Variants in SSC5D observed in about 807,000 individuals in gnomAD.
SSC5D encodes soluble scavenger receptor cysteine-rich domain-containing protein SSC5D.
Under a neutral mutation model 104.6 loss-of-function variants are expected in SSC5D, and 106 were observed. The observed-to-expected ratio is 1.01, with a 90% CI of 0.87 to 1.19. The LOEUF (loss-of-function observed/expected upper bound fraction) is 1.19. Ranked by LOEUF, SSC5D falls within the 50% of genes most tolerant of loss-of-function variation. The pLI is 0.00. For synonymous variants in SSC5D, 860 were observed against 883.5 expected, an observed-to-expected ratio of 0.97 and a Z score of 0.47; for missense variants, 1,993 against 2,153.8, an observed-to-expected ratio of 0.93 and a Z score of 1.48.
At position 55,513,189 on chromosome 19, in the gene SSC5D, G is replaced by C; in HGVS notation, c.2947+17G>C. On this transcript the variant is annotated intron_variant, in intron 13 of 13. Coordinates refer to ENST00000389623, the MANE Select transcript of SSC5D (RefSeq NM_001144950.2). ...GAGACACAGGTGAGACACGTGGCTG[G>C]GGTGAGGAGACTGGGACGGTATTTG... 6.8e-7 allele frequency: 1 copy of C among 1,477,566 alleles called. No homozygotes were observed. Among genetic ancestry groups the C allele is most frequent in the East Asian group, 2.5e-5 (1 of 40,258 alleles). The allele number at this position is 1,477,566 out of a possible 1,614,324, so 91.5% of individuals were successfully genotyped here. A position where few individuals can be genotyped will look rare whatever the true frequency, so the allele number is the denominator to read the frequency against.
At chr19:55,497,794 A>C in intron 8 of SSC5D, 86 bp from the exon 9 acceptor site, 1 of 1,293,154 alleles carries the variant, frequency 7.7e-7, no homozygotes, top group Non-Finnish European at 1.0e-6. Flanking sequence ...AGTGGAAAGG[A>C]AGATGGGGGG....
chr19:55,502,329 C>A (rs1452587177), intron 12 of SSC5D, among the ~76,000 whole-genome samples: 1 of 151,978 alleles, frequency 6.6e-6, no homozygotes, highest in African/African-American at 2.4e-5. Context: ...ATGGTAATTT[C>A]TTTTGCTCTC....
chr19:55,498,179 G>A lies in SSC5D; in HGVS notation c.1687G>A (p.Val563Ile), dbSNP rs1345432420. The change falls in exon 9 of 14, where the codon GTT becomes ATT. Residue 563 changes from valine (V) to isoleucine (I), a missense_variant. Val to Ile is a conservative substitution (Grantham distance 29). This residue lies in a region of SSC5D where 1,101 missense variants were observed against 1,085.0 expected (regional missense o/e 1.01). Coordinates refer to ENST00000389623, the MANE Select transcript of SSC5D (RefSeq NM_001144950.2). ...GCACAACTGCGCTCACAATGAGGAT[G>A]TTGGGGTCACCTGCACTGGTAAGGA... ...GKHNCAHNED[V>I]GVTCTGPPGL... The A allele has an allele frequency of 1.3e-6, 2 of 1,551,664 alleles. No individual in the cohort carries two copies. Among genetic ancestry groups the A allele is most frequent in the Non-Finnish European group, 1.7e-6 (2 of 1,147,016 alleles).
chr19:55,517,552 C>T lies in SSC5D; in HGVS notation c.3276C>T (p.Pro1092=). 1 of 1,551,618 alleles carries T rather than the reference C, an allele frequency of 6.4e-7. No homozygotes were observed. Among genetic ancestry groups the T allele is most frequent in the Non-Finnish European group, 8.7e-7 (1 of 1,147,034 alleles). Residue 1092 remains proline (P), a synonymous_variant, in exon 14 of 14, where the codon CCC becomes CCT. Transcript: ENST00000389623. ...CGGAGCCCTCACCCACGCCCTTACC[C>T]ACCTTGCCCAAAGAGCTGACCTCTG... ...LTPEPSPTPL[P]TLPKELTSDP... is the part of the protein sequence containing the mutation.
At position 55,500,888 on chromosome 19, in the gene SSC5D, G is replaced by T; in HGVS notation, c.2617+84G>T. 6.7e-7 allele frequency: 1 copy of T among 1,503,248 alleles called. No homozygotes were observed. The highest frequency in any genetic ancestry group is 1.3e-5 in the South Asian group (1 of 76,840). The allele number at this position is 1,503,248 out of a possible 1,614,324, so 93.1% of individuals were successfully genotyped here. A position where few individuals can be genotyped will look rare whatever the true frequency, so the allele number is the denominator to read the frequency against. The stretch of plus-strand genomic sequence containing the variant: ...GGGTGGGGCCAGGTGACGGCACCAT[G>T]GTCGACTCTAAAGAACTGGGTATGA... On this transcript the variant is annotated intron_variant, in intron 11 of 13. Coordinates refer to ENST00000389623, the MANE Select transcript of SSC5D (RefSeq NM_001144950.2). This position sits in a 1 kb window ranked among gnomAD's most constrained non-coding sequence, Gnocchi z 4.6.
In SSC5D at chr19:55,517,589, C is replaced by G. The variant is rs951030368; in HGVS notation, c.3313C>G (p.Pro1105Ala). The G allele has an allele frequency of 8.4e-6, 13 of 1,551,666 alleles. No individual in the cohort carries two copies. The African/African-American group carries it at 1.6e-4, about 20-fold the overall frequency. Residue 1105 changes from proline to alanine, a missense_variant, in exon 14 of 14, where the codon CCG becomes GCG. Physicochemically the swap from Pro to Ala is conservative, Grantham distance 27 (BLOSUM62 -1). This residue lies in a region of SSC5D where 423 missense variants were observed against 409.2 expected (regional missense o/e 1.03). Coordinates refer to ENST00000389623, the MANE Select transcript of SSC5D (RefSeq NM_001144950.2). Reference sequence around the variant, plus strand: ...AGAGCTGACCTCTGACCCTTCTACACCGTCGGAGGTGACCAGCCTTTCCCC... The same window carrying G: ...AGAGCTGACCTCTGACCCTTCTACAGCGTCGGAGGTGACCAGCCTTTCCCC... ...PKELTSDPST[P>A]SEVTSLSPTS...
In SSC5D at chr19:55,490,923, T is replaced by C. The variant is rs539461919; in HGVS notation, c.738T>C (p.Ala246=). 1.3e-5 allele frequency: 20 copies of C among 1,544,288 alleles called. No homozygotes were observed. In the African/African-American group the frequency reaches 2.7e-4, roughly 21 times the overall value. ...CRELGCGGAL[A]APGGARFGPG... Reference sequence around the variant, plus strand: ...AACTGGGCTGTGGGGGGGCGCTGGCTGCCCCCGGCGGTGCCAGATTCGGGC... The same window carrying C: ...AACTGGGCTGTGGGGGGGCGCTGGCCGCCCCCGGCGGTGCCAGATTCGGGC... The change falls in exon 6 of 14, where the codon GCT becomes GCC. Residue 246 remains alanine, a synonymous_variant. Transcript: ENST00000389623.
At chr19:55,506,072 T>C (rs1238282710) in intron 12 of SSC5D, among the ~76,000 whole-genome samples, 5 of 151,788 alleles carry the variant, frequency 3.3e-5, no homozygotes, top group African/African-American at 7.3e-5. Flanking sequence ...TTGGGGCCAC[T>C]TGGCTAATCA....
At chr19:55,493,958 T>C (rs891421686) in intron 7 of SSC5D, 46 bp downstream of exon 7, 40 of 411,084 alleles carry the variant, frequency 9.7e-5, no homozygotes, top group Non-Finnish European at 1.0e-4. Flanking sequence ...GTGGTGGTGC[T>C]TGGAGCGGAG....
intron 8 of SSC5D, among the ~76,000 whole-genome samples, chr19:55,497,144 T>C (rs935029697): frequency 3.3e-5 from 5 of 152,218 alleles, no homozygotes; most frequent in Admixed American, 1.3e-4. Flanking sequence ...CTTCTCCTCG[T>C]TGTGTGTCTG....
intron 6 of SSC5D, 51 bp from the exon 7 acceptor site, chr19:55,493,544 C>T: frequency 2.2e-6 from 3 of 1,384,996 alleles, no homozygotes; most frequent in Non-Finnish European, 2.8e-6. Context: ...GCTTAGTCCC[C>T]GCTCATCCAC....
At chr19:55,504,410 G>T in intron 12 of SSC5D, 1 of 1,174,370 alleles carries the variant, frequency 8.5e-7, no homozygotes, top group Non-Finnish European at 1.1e-6. Context: ...TGGGAGACGA[G>T]GCAGGCATGC....
At chr19:55,489,775 C>A in intron 3 of SSC5D, 107 bp from the exon 4 acceptor site, 1 of 1,473,700 alleles carries the variant, frequency 6.8e-7, no homozygotes, top group Non-Finnish European at 9.3e-7. Context: ...GACACCCAAC[C>A]TCCCATCCCC....
chr19:55,489,335 C>T lies in SSC5D; in HGVS notation c.53-19C>T. Reference sequence around the variant, plus strand: ...CCAGGATGCCCCTCCCCAGTCACAGCCATTCCTCCAACCCTCAGAGCGCCT... The same window carrying T: ...CCAGGATGCCCCTCCCCAGTCACAGTCATTCCTCCAACCCTCAGAGCGCCT... On this transcript the variant is annotated intron_variant, in intron 2 of 13. Transcript: ENST00000389623. The T allele has an allele frequency of 7.0e-7, 1 of 1,430,726 alleles. No individual in the cohort carries two copies. Among genetic ancestry groups the T allele is most frequent in the Admixed American group, 3.1e-5 (1 of 31,902 alleles). 88.6% of individuals were successfully genotyped at this position (1,430,726 alleles called of 1,614,324 possible).
chr19:55,493,401 G>A (rs1257026043), intron 6 of SSC5D, among the ~76,000 whole-genome samples, 194 bp from the exon 7 acceptor site: 1 of 152,248 alleles, frequency 6.6e-6, no homozygotes, highest in African/African-American at 2.4e-5. Flanking sequence ...CAAGGCAAGG[G>A]ATATGGGGGA....
rs1245191293 is a variant in SSC5D at position 55,499,965 on chromosome 19, A to C, written c.1855A>C (p.Lys619Gln). Residue 619 changes from lysine (K) to glutamine (Q), a missense_variant, in exon 10 of 14, where the codon AAG becomes CAG. Coordinates refer to ENST00000389623, the MANE Select transcript of SSC5D (RefSeq NM_001144950.2). ...TASVLEKTTTKAPGKMPKSTK... is the reference protein window; with the variant it reads ...TASVLEKTTTQAPGKMPKSTK... ...CAGTGTTCTGGAGAAAACAACCACG[A>C]AGGCCCCAGGGAAAATGCCTAAGAG... is the stretch of plus-strand genomic sequence containing the variant. 1 of 1,551,812 alleles carries C rather than the reference A, an allele frequency of 6.4e-7. No homozygotes were observed. Among genetic ancestry groups the C allele is most frequent in the African/African-American group, 1.4e-5 (1 of 72,958 alleles).
intron 1 of SSC5D, 138 bp from the exon 2 acceptor site, chr19:55,488,868 G>A: frequency 2.1e-5 from 1 of 47,414 alleles, no homozygotes; most frequent in Non-Finnish European, 3.8e-5. Context: ...CTTTAGCCAA[G>A]CCCATGTGTG....
intron 5 of SSC5D, 97 bp from the exon 6 acceptor site, chr19:55,490,675 C>G: frequency 1.5e-6 from 2 of 1,351,710 alleles, no homozygotes; most frequent in Non-Finnish European, 2.0e-6. Flanking sequence ...CTCAGGCCAC[C>G]GCTCCCTCAG....
Position 55,493,761 on chromosome 19 carries a change from CG to C in SSC5D, c.1067del (p.Gly356AlafsTer80). The C allele has an allele frequency of 7.2e-6, 11 of 1,528,440 alleles. No homozygotes were observed. The highest frequency in any genetic ancestry group is 9.7e-6 in the Non-Finnish European group (11 of 1,138,766). The allele number at this position is 1,528,440 out of a possible 1,614,324, so 94.7% of individuals were successfully genotyped here. A position where few individuals can be genotyped will look rare whatever the true frequency, so the allele number is the denominator to read the frequency against. ...LGCGGALAAP[G>X]GAFFGEGSGP... ...GCTGCGGAGGGGCGCTGGCCGCCCC[CG>C]GGGGCGCCTTCTTTGGGGAGGGGTC... On this transcript the variant is annotated frameshift_variant, in exon 7 of 14. Transcript: ENST00000389623. LOFTEE classifies it high-confidence loss of function.
Sources: gnomAD v4.1 joint callset for allele counts (sites outside exome capture counted in the v4.1 genomes callset) on GRCh38, gnomAD v4.1.1 for gene constraint, gnomAD v4.1.1 regional missense constraint, Gnocchi (gnomAD v3.1) non-coding constraint, MANE v1.5 for transcripts, NCBI Gene and HGNC (gene_info 2026-07-23, HGNC 2026-07-21) for gene names.